NHS: variants seen among roughly 807,000 people sequenced by gnomAD.
NHS encodes actin remodeling regulator NHS.
Under a neutral mutation model 72.5 loss-of-function variants are expected in NHS, and 5 were observed. That is an observed-to-expected ratio of 0.07 (90% CI 0.04 to 0.14). The LOEUF (loss-of-function observed/expected upper bound fraction) is 0.14. NHS is among the 10% of genes least tolerant of loss of function. The pLI is 1.00. For synonymous variants in NHS, 464 were observed against 547.7 expected (o/e 0.85, Z 2.13); for missense variants, 1,072 against 1,355.7 (o/e 0.79, Z 3.29).
At position 17,659,833 on chromosome X, in the gene NHS, A is replaced by G. The variant is rs1159733759; in HGVS notation, c.566-27909A>G. 3.6e-5 allele frequency among the ~76,000 whole-genome samples: 4 copies of G among 112,107 alleles called. No homozygotes were observed. The East Asian group carries it at 1.1e-3, about 31-fold the overall frequency. On this transcript the variant is annotated intron_variant, in intron 1 of 8. Coordinates refer to ENST00000676302, the MANE Select transcript of NHS (RefSeq NM_001291867.2). ...GGTTATTATTATCCCCATTTTACAG[A>G]TGAAGAAACTGAGGCACAGAGAGAA...
intron 1 of NHS, among the ~76,000 whole-genome samples, chrX:17,559,833 T>G (rs938937720): frequency 1.8e-5 from 2 of 111,266 alleles, no homozygotes; most frequent in East Asian, 2.8e-4. Flanking sequence ...ATTCTGTGCT[T>G]CTTTTGCAGC....
At chrX:17,475,346 C>T (rs754181918) in intron 1 of NHS, among the ~76,000 whole-genome samples, 3 of 112,327 alleles carry the variant, frequency 2.7e-5, no homozygotes, top group Non-Finnish European at 5.6e-5. Context: ...GAACGAATGT[C>T]GCTCAGATAA....
rs1305075124 is a variant in NHS at position 17,375,948 on chromosome X, C to T, written c.191C>T (p.Pro64Leu). Residue 64 changes from proline to leucine, a missense_variant, in exon 1 of 9, where the codon CCT becomes CTT. By Grantham distance (98) the Pro-to-Leu change is moderately conservative. Transcript: ENST00000676302. ...PEEPARAVPA[P>L]SGLPPPPPPL... is the part of the protein sequence containing the mutation. ...GAGCCAGCCCGCGCCGTCCCTGCAC[C>T]TTCAGGGCTGCCACCGCCGCCGCCG... 1.0e-5 allele frequency: 11 copies of T among 1,078,750 alleles called. No individual in the cohort carries two copies. The South Asian group carries it at 1.8e-4, about 18-fold the overall frequency. The allele number at this position is 1,078,750 out of a possible 1,213,427, so 88.9% of individuals were successfully genotyped here.
chrX:17,678,416 G>A (rs1015954169), intron 1 of NHS, among the ~76,000 whole-genome samples: 4 of 111,289 alleles, frequency 3.6e-5, no homozygotes, highest in African/African-American at 6.5e-5. Flanking sequence ...TCTGCAGGCC[G>A]TACAGGAAGC....
At chrX:17,428,662 C>T (rs2064669490) in intron 1 of NHS, among the ~76,000 whole-genome samples, 1 of 111,710 alleles carries the variant, frequency 9.0e-6, no homozygotes. Context: ...AATATGGAAA[C>T]TGAATCTCTT....
chrX:17,554,532 T>C (rs952606713), intron 1 of NHS, among the ~76,000 whole-genome samples: 4 of 112,701 alleles, frequency 3.5e-5, no homozygotes, highest in African/African-American at 9.7e-5. Flanking sequence ...CCCTGCCTGG[T>C]CTCAGCTCTG....
intron 1 of NHS, among the ~76,000 whole-genome samples, chrX:17,472,150 G>T (rs981494467): frequency 7.2e-5 from 8 of 111,375 alleles, no homozygotes; most frequent in Non-Finnish European, 1.3e-4. Flanking sequence ...ATGCCCACTT[G>T]TGTTAAGATC....
At chrX:17,652,678 T>C (rs964217539) in intron 1 of NHS, among the ~76,000 whole-genome samples, 2 of 111,482 alleles carry the variant, frequency 1.8e-5, no homozygotes, top group South Asian at 7.6e-4. Flanking sequence ...CACTACAGGG[T>C]GACTATAGTT....
intron 1 of NHS, among the ~76,000 whole-genome samples, chrX:17,452,179 T>C (rs1601712883): frequency 9.0e-6 from 1 of 111,404 alleles, no homozygotes; most frequent in South Asian, 3.8e-4. Context: ...TTGATAGCAG[T>C]AGGTGAAAGG....
intron 1 of NHS, among the ~76,000 whole-genome samples, chrX:17,602,215 C>A (rs1049078629): frequency 6.3e-5 from 7 of 111,582 alleles, no homozygotes; most frequent in East Asian, 2.8e-4. Context: ...AACAAACAAA[C>A]AAAAAAACAG....
chrX:17,719,698 A>G (rs1243808977), intron 4 of NHS, among the ~76,000 whole-genome samples: 1 of 110,816 alleles, frequency 9.0e-6, no homozygotes, highest in Non-Finnish European at 1.9e-5. Flanking sequence ...CCTATATTTA[A>G]TTTATCAGAA....
chrX:17,447,114 T>G (rs181781431), intron 1 of NHS, among the ~76,000 whole-genome samples: 1 of 111,777 alleles, frequency 8.9e-6, no homozygotes, highest in East Asian at 2.8e-4. Context: ...CTGGGTAAGA[T>G]AGTTGTCAAG....
At chrX:17,445,756 A>AGG (rs1179315594) in intron 1 of NHS, among the ~76,000 whole-genome samples, 13 of 83,595 alleles carry the variant, frequency 1.6e-4, no homozygotes, top group African/African-American at 5.6e-4. Flanking sequence ...AAAAAAAAAA[A>AGG]GGGGGGGGGG....
At chrX:17,675,339 A>C (rs975361322) in intron 1 of NHS, among the ~76,000 whole-genome samples, 3 of 112,827 alleles carry the variant, frequency 2.7e-5, no homozygotes, top group Non-Finnish European at 5.6e-5. Flanking sequence ...GATCAATTAT[A>C]AAATCAAGGA....
chrX:17,451,524 A>G (rs2064805368), intron 1 of NHS, among the ~76,000 whole-genome samples: 1 of 112,348 alleles, frequency 8.9e-6, no homozygotes, highest in South Asian at 3.7e-4. Flanking sequence ...CTTTTCTATT[A>G]GGTCCGTATC....
intron 1 of NHS, among the ~76,000 whole-genome samples, chrX:17,396,267 C>A (rs1289201086): frequency 8.9e-6 from 1 of 111,780 alleles, no homozygotes; most frequent in Non-Finnish European, 1.9e-5. Context: ...ATTAACAATA[C>A]TTGTATTTTC....
At chrX:17,437,701 A>C (rs2064730558) in intron 1 of NHS, among the ~76,000 whole-genome samples, 1 of 112,131 alleles carries the variant, frequency 8.9e-6, no homozygotes, top group African/African-American at 3.2e-5. Flanking sequence ...GAATTGCCTA[A>C]CCACACTAAG....
intron 1 of NHS, chrX:17,687,398 C>T (rs2066168935): frequency 3.9e-6 from 1 of 258,437 alleles, no homozygotes. Flanking sequence ...AGAAACAGGA[C>T]CCCCATCTCC....
chrX:17,434,177 G>T (rs1241469204), intron 1 of NHS, among the ~76,000 whole-genome samples: 1 of 111,496 alleles, frequency 9.0e-6, no homozygotes, highest in Non-Finnish European at 1.9e-5. Context: ...CATTCCACTT[G>T]GCAGCCTTAG....
Sources: gnomAD v4.1 joint callset for allele counts (sites outside exome capture counted in the v4.1 genomes callset) on GRCh38, gnomAD v4.1.1 for gene constraint, MANE v1.5 for transcripts, NCBI Gene and HGNC (gene_info 2026-07-23, HGNC 2026-07-21) for gene names.